Variants in KANSL3 observed in about 807,000 individuals in gnomAD.
KANSL3 encodes KAT8 regulatory NSL complex subunit 3.
Under a neutral mutation model 89.2 loss-of-function variants are expected in KANSL3, and 16 were observed. The observed-to-expected ratio is 0.18, with a 90% CI of 0.12 to 0.27. The LOEUF (loss-of-function observed/expected upper bound fraction) is 0.27, where lower values mean the gene tolerates loss of function less well. KANSL3 is among the 10% of genes least tolerant of loss of function. The pLI, the probability that KANSL3 is intolerant of heterozygous loss-of-function variation, is 1.00. For synonymous variants in KANSL3, 385 were observed against 419.7 expected (o/e 0.92, Z 1.01); for missense variants, 879 against 1,110.6 (o/e 0.79, Z 2.96).
chr2:96,631,763 T>C lies in KANSL3; in HGVS notation c.216-281A>G, dbSNP rs190279958. On this transcript the variant is annotated intron_variant, in intron 2 of 20. Transcript: ENST00000431828. ...ATCTATTTTTTTTTTAAGATAAATA[T>C]GGGCCAGGTGCACTGGCTCACACCT... Among the ~76,000 whole-genome samples the C allele has an allele frequency of 1.1e-4, 16 of 152,052 alleles. No individual in the cohort carries two copies. In the East Asian group the frequency reaches 2.1e-3, roughly 20 times the overall value.
At chr2:96,600,911 G>A (rs1201288256) in intron 20 of KANSL3, 3 of 985,108 alleles carry the variant, frequency 3.0e-6, no homozygotes, top group Non-Finnish European at 3.6e-6. Flanking sequence ...CTTGGGGGCC[G>A]AGGCGGGAGG....
chr2:96,594,378 T>G lies in KANSL3; in HGVS notation c.*1233A>C, dbSNP rs2066395855. 6.6e-6 allele frequency: 1 copy of G among 152,226 alleles called. No homozygotes were observed. The highest frequency in any genetic ancestry group is 2.1e-4 in the South Asian group (1 of 4,830). 9.4% of individuals were successfully genotyped at this position (152,226 alleles called of 1,614,324 possible). On this transcript the variant is annotated 3_prime_UTR_variant, in exon 21 of 21. Transcript: ENST00000431828. The stretch of plus-strand genomic sequence containing the variant: ...TAAAACTATCTTTGCACACAAGTGT[T>G]GTGAAGAGGTAAGCAGGGGATCAGA...
chr2:96,619,193 A>C (rs960449984), intron 5 of KANSL3, among the ~76,000 whole-genome samples, 166 bp downstream of exon 5: 1 of 152,230 alleles, frequency 6.6e-6, no homozygotes, highest in Non-Finnish European at 1.5e-5. Flanking sequence ...TACACCAGAC[A>C]CAAATGTGAA....
At chr2:96,582,909 G>A in the KANSL3 span, among the ~76,000 whole-genome samples, 1 of 152,252 alleles carries the variant, frequency 6.6e-6, no homozygotes. Flanking sequence ...ACTGCTGGAA[G>A]TCTAACACAC....
chr2:96,636,099 C>CT (rs2074209189), intron 2 of KANSL3, among the ~76,000 whole-genome samples: 1 of 151,970 alleles, frequency 6.6e-6, no homozygotes, highest in Non-Finnish European at 1.5e-5. Context: ...TACAAGGGCT[C>CT]TAACCCCCAA....
At chr2:96,609,583 C>T (rs1366633397) in intron 11 of KANSL3, 21 bp from the exon 12 acceptor site, 4 of 1,597,342 alleles carry the variant, frequency 2.5e-6, no homozygotes, top group African/African-American at 1.3e-5. Flanking sequence ...AAAAGGATGA[C>T]ATGTTTACTT....
chr2:96,600,386 T>C (rs1431868358), intron 20 of KANSL3: 2 of 894,844 alleles, frequency 2.2e-6, no homozygotes, highest in African/African-American at 1.8e-5. Flanking sequence ...AGCATAATCA[T>C]TTTTATAATT....
At chr2:96,609,392 C>T (rs2068510791) in intron 12 of KANSL3, 107 bp downstream of exon 12, 7 of 921,922 alleles carry the variant, frequency 7.6e-6, no homozygotes, top group Non-Finnish European at 1.2e-5. Flanking sequence ...TACCAGAGGC[C>T]CCAGTGGAGG....
chr2:96,604,184 G>A, intron 17 of KANSL3, 66 bp downstream of exon 17: 1 of 1,514,290 alleles, frequency 6.6e-7, no homozygotes, highest in Non-Finnish European at 8.8e-7. Flanking sequence ...GCTTTCCCAG[G>A]ACCACCCAGA....
chr2:96,581,138 C>T, the KANSL3 span, among the ~76,000 whole-genome samples: 1 of 152,152 alleles, frequency 6.6e-6, no homozygotes, highest in Admixed American at 6.5e-5. Flanking sequence ...TAAGAATCAC[C>T]TAAGGGGCAG....
In KANSL3 at chr2:96,612,500, C is replaced by G; in HGVS notation, c.976G>C (p.Glu326Gln). 1 of 1,613,932 alleles carries G rather than the reference C, an allele frequency of 6.2e-7. No individual in the cohort carries two copies. Among genetic ancestry groups the G allele is most frequent in the Non-Finnish European group, 8.5e-7 (1 of 1,179,878 alleles). ...GSGVGVLQCL[E>Q]HMIGAVRSKV... ...CTTCTCACTGCCCCAATCATATGCT[C>G]GAGACACTGTAGAACTCCTACCCCA... Residue 326 changes from glutamate to glutamine, a missense_variant, in exon 8 of 21, where the codon GAG (glutamate) becomes CAG (glutamine). Around this residue, in one of 6 missense-constraint regions of KANSL3, gnomAD observed 198 missense variants for 260.3 expected, o/e 0.76. Transcript: ENST00000431828.
chr2:96,593,110 T>C (rs931528960), downstream of KANSL3: 3 of 378,354 alleles, frequency 7.9e-6, no homozygotes, highest in Admixed American at 3.2e-5. Context: ...GCCCACTTCA[T>C]TGGGTGGTTT....
At chr2:96,626,701 A>AG (rs1334389065) in intron 3 of KANSL3, among the ~76,000 whole-genome samples, 4 of 152,282 alleles carry the variant, frequency 2.6e-5, no homozygotes, top group African/African-American at 9.6e-5. Flanking sequence ...AAACATCTGG[A>AG]GGGAAAAAAA....
intron 20 of KANSL3, chr2:96,600,899 T>C (rs1573289535): frequency 1.0e-6 from 1 of 985,252 alleles, no homozygotes; most frequent in Non-Finnish European, 1.2e-6. Context: ...AAGAGTATTA[T>C]ACTTGGGGGC....
At position 96,595,595 on chromosome 2, in the gene KANSL3, A is replaced by G. The variant is rs754817425; in HGVS notation, c.*16T>C. 11 of 1,613,682 alleles carry G rather than the reference A, an allele frequency of 6.8e-6. No individual in the cohort carries two copies. Among genetic ancestry groups the G allele is most frequent in the Non-Finnish European group, 9.3e-6 (11 of 1,179,742 alleles). On this transcript the variant is annotated 3_prime_UTR_variant, in exon 21 of 21. Coordinates refer to ENST00000431828, the MANE Select transcript of KANSL3 (RefSeq NM_001115016.3). ...CCATCACCAACTTGGTAAGGAGGACATATCACACAGCATCTTCAGGGTGCT... is the reference window on the plus strand; with the variant it reads ...CCATCACCAACTTGGTAAGGAGGACGTATCACACAGCATCTTCAGGGTGCT...
intron 2 of KANSL3, among the ~76,000 whole-genome samples, chr2:96,634,899 C>A (rs1286489689): frequency 6.6e-6 from 1 of 152,214 alleles, no homozygotes; most frequent in Non-Finnish European, 1.5e-5. Flanking sequence ...CCCAACTGCT[C>A]AAGCCAGAAA....
At chr2:96,636,649 C>G in intron 2 of KANSL3, 1 of 374,358 alleles carries the variant, frequency 2.7e-6, no homozygotes, top group Non-Finnish European at 4.8e-6. Flanking sequence ...TAACCCTCTA[C>G]GATTTTCCCC....
chr2:96,598,186 T>C (rs1319121192), intron 20 of KANSL3: 59 of 959,926 alleles, frequency 6.1e-5, no homozygotes, highest in Non-Finnish European at 6.4e-5. Flanking sequence ...AATGGCTTTG[T>C]AGGTCACTTC....
Position 96,601,734 on chromosome 2 carries a change from T to C in KANSL3, c.2525A>G (p.Gln842Arg), listed in dbSNP as rs1172238045. The C allele has an allele frequency of 1.3e-6, 2 of 1,597,956 alleles. No homozygotes were observed. The highest frequency in any genetic ancestry group is 1.7e-6 in the Non-Finnish European group (2 of 1,174,190). Residue 842 changes from glutamine to arginine, a missense_variant, in exon 20 of 21, where the codon CAG (glutamine) becomes CGG (arginine). By Grantham distance (43) the Gln-to-Arg change is conservative. This residue lies in a region of KANSL3 where 61 missense variants were observed against 61.7 expected (regional missense o/e 0.99). Transcript: ENST00000431828. The stretch of plus-strand genomic sequence containing the variant: ...GCTCAGTGTAGTGATCCTGCTCGGC[T>C]GGCCACGAAGTGTCAGAGTAATGGT... ...PTTITLTLRG[Q>R]PSRITTLSPM...
Sources: allele counts gnomAD v4.1 joint callset (sites outside exome capture counted in the v4.1 genomes callset), GRCh38; gene constraint gnomAD v4.1.1; regional missense constraint gnomAD v4.1.1; transcripts MANE v1.5; gene names NCBI Gene and HGNC (gene_info 2026-07-23, HGNC 2026-07-21).